M1AP: variants seen among roughly 807,000 people sequenced by gnomAD.
The protein encoded by M1AP is meiosis 1 arrest protein.
A neutral mutation model predicts 51.2 loss-of-function variants in M1AP; 39 were observed. The observed-to-expected ratio is 0.76, with a 90% CI of 0.59 to 1.00. M1AP has a LOEUF of 1.00. Among genes scored for constraint, M1AP ranks in the 50% least tolerant of loss-of-function variants. M1AP has a pLI of 0.00. For synonymous variants in M1AP, 251 were observed against 249.2 expected, an observed-to-expected ratio of 1.01 and a Z score of -0.07; for missense variants, 545 against 641.2, an observed-to-expected ratio of 0.85 and a Z score of 1.62.
At chr2:74,623,349 TA>T (rs1449560991) in intron 2 of M1AP, among the ~76,000 whole-genome samples, 2 of 151,746 alleles carry the variant, frequency 1.3e-5, no homozygotes, top group African/African-American at 2.4e-5. Context: ...AAAAAAAATA[TA>T]AAAATTAGCC....
chr2:74,609,964 C>T (rs1404279199), intron 3 of M1AP, among the ~76,000 whole-genome samples: 1 of 152,096 alleles, frequency 6.6e-6, no homozygotes, highest in South Asian at 2.1e-4. Context: ...GCATAGTTTA[C>T]AAATATTTTC....
chr2:74,561,422 T>C (rs1678005835), intron 8 of M1AP, among the ~76,000 whole-genome samples: 1 of 150,820 alleles, frequency 6.6e-6, no homozygotes, highest in South Asian at 2.1e-4. Context: ...TATACACATA[T>C]GCACACGTGC....
intron 5 of M1AP, among the ~76,000 whole-genome samples, chr2:74,580,615 G>A (rs1679346280): frequency 6.6e-6 from 1 of 152,172 alleles, no homozygotes; most frequent in South Asian, 2.1e-4. Flanking sequence ...TGGTCATAAA[G>A]AGTTCTATTA....
intron 4 of M1AP, among the ~76,000 whole-genome samples, chr2:74,584,809 T>C (rs1237018571): frequency 7.0e-6 from 1 of 143,600 alleles, no homozygotes; most frequent in African/African-American, 2.6e-5. Flanking sequence ...TATTGCCATA[T>C]ATATATATAT....
intron 1 of M1AP, among the ~76,000 whole-genome samples, chr2:74,644,948 G>T (rs886189113): frequency 1.3e-5 from 2 of 151,940 alleles, no homozygotes; most frequent in Non-Finnish European, 2.9e-5. Context: ...ATCTGAAAAC[G>T]CCATTTTAAA....
At position 74,567,390 on chromosome 2, in the gene M1AP, A is replaced by G. The variant is rs146776461; in HGVS notation, c.1075-4967T>C. Among the ~76,000 whole-genome samples the G allele has an allele frequency of 2.1e-3, 313 of 152,364 alleles. 1 individual carries two copies. The highest frequency in any genetic ancestry group is 7.1e-3 in the African/African-American group (294 of 41,584). On this transcript the variant is annotated intron_variant, in intron 7 of 10. Coordinates refer to ENST00000421985, the MANE Select transcript of M1AP (RefSeq NM_001321739.2). Reference sequence around the variant, plus strand: ...TGTGGCTTCTTATTGAGTAGTGAATATATTTCAGAGCACTCCTGCAATCAA... The same window carrying G: ...TGTGGCTTCTTATTGAGTAGTGAATGTATTTCAGAGCACTCCTGCAATCAA...
chr2:74,578,199 C>G (rs1679193162), intron 5 of M1AP, among the ~76,000 whole-genome samples: 1 of 152,228 alleles, frequency 6.6e-6, no homozygotes, highest in Admixed American at 6.5e-5. Flanking sequence ...GAAAAAGATA[C>G]TGATGTCTGG....
intron 4 of M1AP, among the ~76,000 whole-genome samples, chr2:74,589,076 G>A (rs1255063450): frequency 1.3e-5 from 2 of 152,222 alleles, no homozygotes; most frequent in Admixed American, 6.5e-5. Flanking sequence ...ACGCGCGCGC[G>A]TGCATGCATG....
chr2:74,569,377 CT>C lies in M1AP; in HGVS notation c.1074+6060del, dbSNP rs1196526014. 4.6e-3 allele frequency among the ~76,000 whole-genome samples: 589 copies of C among 128,690 alleles called. 2 individuals carry two copies. Among genetic ancestry groups the C allele is most frequent in the African/African-American group, 0.012 (442 of 35,704 alleles). The allele number at this position is 128,690 out of a possible 152,430, so 84.4% of individuals were successfully genotyped here. A position where few individuals can be genotyped will look rare whatever the true frequency, so the allele number is the denominator to read the frequency against. ...GTCATGCACCTTCTCCCTCACTCTA[CT>C]TTTTTTTTTTTTTTTTTTTTGAGAT... On this transcript the variant is annotated intron_variant, in intron 7 of 10. Coordinates refer to ENST00000421985, the MANE Select transcript of M1AP (RefSeq NM_001321739.2).
rs1366390028 is a variant in M1AP at position 74,642,502 on chromosome 2, AAG to A, written c.-52-2177_-52-2176del. Among the ~76,000 whole-genome samples the A allele has an allele frequency of 3.3e-5, 5 of 152,354 alleles. No homozygotes were observed. In the East Asian group the frequency reaches 9.6e-4, roughly 29 times the overall value. ...TAATCTGACAAAATATATTTACAAAAAGAGAGAGCAAACATCATTCTTCATGG... is the reference window on the plus strand; with the variant it reads ...TAATCTGACAAAATATATTTACAAAAAGAGAGCAAACATCATTCTTCATGG... On this transcript the variant is annotated intron_variant, in intron 1 of 10. Coordinates refer to ENST00000421985, the MANE Select transcript of M1AP (RefSeq NM_001321739.2).
intron 3 of M1AP, among the ~76,000 whole-genome samples, chr2:74,612,981 T>A (rs554801106): frequency 2.0e-5 from 3 of 152,260 alleles, no homozygotes; most frequent in African/African-American, 7.2e-5. Context: ...TTTCCAGTTT[T>A]TTTTTCTCTT....
At chr2:74,563,683 C>T (rs1386570960) in intron 7 of M1AP, among the ~76,000 whole-genome samples, 1 of 150,590 alleles carries the variant, frequency 6.6e-6, no homozygotes, top group Non-Finnish European at 1.5e-5. Flanking sequence ...GAGATCATCT[C>T]AGCCAATCAC....
intron 8 of M1AP, among the ~76,000 whole-genome samples, chr2:74,561,631 T>C (rs924329263): frequency 6.6e-6 from 1 of 152,158 alleles, no homozygotes; most frequent in Admixed American, 6.5e-5. Context: ...TGCTTTCCAC[T>C]GTGTCTTCTT....
chr2:74,623,901 C>G (rs780076474), intron 2 of M1AP, among the ~76,000 whole-genome samples: 5 of 152,100 alleles, frequency 3.3e-5, no homozygotes, highest in Non-Finnish European at 7.4e-5. Flanking sequence ...CGAACTCATG[C>G]GCTCAAGCGA....
At chr2:74,621,809 T>C (rs1682060373) in intron 2 of M1AP, among the ~76,000 whole-genome samples, 1 of 141,636 alleles carries the variant, frequency 7.1e-6, no homozygotes, top group Non-Finnish European at 1.5e-5. Context: ...CAAACAAACA[T>C]AAAAAAGTTT....
At chr2:74,590,074 A>AC (rs1441154250) in intron 4 of M1AP, among the ~76,000 whole-genome samples, 1 of 152,224 alleles carries the variant, frequency 6.6e-6, no homozygotes, top group Non-Finnish European at 1.5e-5. Flanking sequence ...GACAAACTTG[A>AC]TTTACATAAT....
chr2:74,635,057 T>C (rs932083376), intron 2 of M1AP, among the ~76,000 whole-genome samples: 6 of 152,144 alleles, frequency 3.9e-5, no homozygotes, highest in Non-Finnish European at 2.9e-5. Flanking sequence ...TATGTAGAAT[T>C]GATGTTATTT....
chr2:74,576,597 T>C lies in M1AP; in HGVS notation c.791A>G (p.Gln264Arg), dbSNP rs1679089871. Residue 264 changes from glutamine to arginine, a missense_variant, in exon 6 of 11, where the codon CAA becomes CGA. Transcript: ENST00000421985. ...TAGGGATGGGCAGAGCAGTCGCTCT[T>C]GGAGATCACATTTCAGACACACTAC... ...DNPMCLKCDL[Q>R]ERLLCPSLLA... 1.2e-6 allele frequency: 2 copies of C among 1,613,928 alleles called. No individual in the cohort carries two copies. Among genetic ancestry groups the C allele is most frequent in the Non-Finnish European group, 1.7e-6 (2 of 1,179,928 alleles).
At chr2:74,599,924 G>A (rs1193088788) in intron 4 of M1AP, among the ~76,000 whole-genome samples, 1 of 150,952 alleles carries the variant, frequency 6.6e-6, no homozygotes, top group Non-Finnish European at 1.5e-5. Flanking sequence ...TTAAACTACT[G>A]AGCTCAGGAG....
Sources: gnomAD v4.1 joint callset for allele counts (sites outside exome capture counted in the v4.1 genomes callset) on GRCh38, gnomAD v4.1.1 for gene constraint, MANE v1.5 for transcripts, NCBI Gene and HGNC (gene_info 2026-07-23, HGNC 2026-07-21) for gene names.